Variants in PTPRT observed in about 807,000 individuals in gnomAD.
PTPRT encodes the protein protein tyrosine phosphatase receptor type T.
In PTPRT, 56 loss-of-function variants were observed where a neutral mutation model predicts 176.8. The ratio of observed to expected loss-of-function variants is 0.32; its 90% CI spans 0.26 to 0.40. The LOEUF (loss-of-function observed/expected upper bound fraction) is 0.40. PTPRT is among the 10% of genes least tolerant of loss of function. The pLI is 1.00. For missense variants in PTPRT, 1,540 were observed against 1,908.2 expected (o/e 0.81, Z 3.60); for synonymous variants, 783 against 739.0 (o/e 1.06, Z -0.96).
At chr20:42,190,341 C>CA (rs1345518922) in intron 16 of PTPRT, among the ~76,000 whole-genome samples, 1 of 152,152 alleles carries the variant, frequency 6.6e-6, no homozygotes, top group Non-Finnish European at 1.5e-5. Context: ...CAAAAGGAGA[C>CA]AAAATCAAAG....
At chr20:42,441,173 A>G (rs1367290613) in intron 9 of PTPRT, among the ~76,000 whole-genome samples, 2 of 152,216 alleles carry the variant, frequency 1.3e-5, no homozygotes, top group Non-Finnish European at 2.9e-5. Flanking sequence ...ACAAAAGTAC[A>G]CAAATGAAAC....
intron 20 of PTPRT, among the ~76,000 whole-genome samples, chr20:42,119,085 C>T (rs1987451122): frequency 6.8e-6 from 1 of 147,020 alleles, no homozygotes; most frequent in African/African-American, 2.5e-5. Context: ...AAGCAATTTC[C>T]TTGGAAATTA....
At chr20:43,041,266 T>G (rs1035748492) in intron 1 of PTPRT, among the ~76,000 whole-genome samples, 2 of 152,256 alleles carry the variant, frequency 1.3e-5, no homozygotes, top group Non-Finnish European at 1.5e-5. Context: ...CACTGTGCTA[T>G]AGTACTTTTT....
chr20:42,118,900 G>C (rs1441464376), intron 20 of PTPRT, among the ~76,000 whole-genome samples: 1 of 151,712 alleles, frequency 6.6e-6, no homozygotes, highest in Non-Finnish European at 1.5e-5. Context: ...AACTGGGGTG[G>C]GGGGTGGAGA....
chr20:42,463,261 T>G (rs1261309011), intron 8 of PTPRT, among the ~76,000 whole-genome samples: 3 of 152,216 alleles, frequency 2.0e-5, no homozygotes, highest in Non-Finnish European at 4.4e-5. Flanking sequence ...GTATCCCTTT[T>G]CCATTCCTTT....
At chr20:42,800,346 C>T (rs1294558519) in intron 2 of PTPRT, among the ~76,000 whole-genome samples, 5 of 152,242 alleles carry the variant, frequency 3.3e-5, no homozygotes, top group East Asian at 1.9e-4. Flanking sequence ...GCTGGCCTTG[C>T]GCTGGGGAGC....
intron 13 of PTPRT, among the ~76,000 whole-genome samples, chr20:42,252,389 T>C (rs1203809533): frequency 6.6e-6 from 1 of 152,054 alleles, no homozygotes; most frequent in African/African-American, 2.4e-5. Context: ...GGCCTGTTGG[T>C]GAAATCACCC....
intron 7 of PTPRT, among the ~76,000 whole-genome samples, chr20:42,581,540 A>G (rs1233720299): frequency 1.3e-5 from 2 of 152,172 alleles, no homozygotes; most frequent in Admixed American, 6.5e-5. Context: ...TAAAAAAAAA[A>G]AAAAAAGGCT....
At chr20:42,323,789 A>T (rs1031072275) in intron 11 of PTPRT, among the ~76,000 whole-genome samples, 8 of 152,206 alleles carry the variant, frequency 5.3e-5, no homozygotes, top group Admixed American at 3.9e-4. Context: ...AAAATAAAAA[A>T]AAGAAAATAT....
chr20:42,094,317 G>A (rs886127120), intron 27 of PTPRT, among the ~76,000 whole-genome samples: 5 of 151,596 alleles, frequency 3.3e-5, no homozygotes, highest in Non-Finnish European at 1.5e-5. Flanking sequence ...AAACTCTGCA[G>A]GGAATGTTCC....
At chr20:42,107,315 CGA>C (rs1568936987) in intron 23 of PTPRT, among the ~76,000 whole-genome samples, 1 of 152,058 alleles carries the variant, frequency 6.6e-6, no homozygotes, top group African/African-American at 2.4e-5. Context: ...AGGACAGAAA[CGA>C]GAGTCCTCTG....
At chr20:42,674,904 G>C (rs947300296) in intron 7 of PTPRT, among the ~76,000 whole-genome samples, 45 of 146,582 alleles carry the variant, frequency 3.1e-4, no homozygotes, top group Non-Finnish European at 1.9e-4. Context: ...ACGCAAATTT[G>C]TTCCAACCCA....
intron 2 of PTPRT, among the ~76,000 whole-genome samples, chr20:42,810,059 G>A (rs1253012474): frequency 6.6e-6 from 1 of 152,278 alleles, no homozygotes; most frequent in East Asian, 1.9e-4. Flanking sequence ...TTGGGAGGCC[G>A]AAGTGGGTGG....
intron 7 of PTPRT, among the ~76,000 whole-genome samples, chr20:42,674,168 C>T (rs191134701): frequency 1.0e-3 from 154 of 152,186 alleles, no homozygotes; most frequent in African/African-American, 3.5e-3. Context: ...AAATTAATTA[C>T]GAGGCAAAAA....
intron 9 of PTPRT, among the ~76,000 whole-genome samples, chr20:42,403,874 G>A (rs527485513): frequency 6.6e-6 from 1 of 152,206 alleles, no homozygotes; most frequent in Non-Finnish European, 1.5e-5. Context: ...GCTGCCTTTT[G>A]TACTTAGAAA....
At chr20:42,270,933 T>C (rs1422294915) in intron 13 of PTPRT, among the ~76,000 whole-genome samples, 2 of 152,200 alleles carry the variant, frequency 1.3e-5, no homozygotes, top group Non-Finnish European at 2.9e-5. Flanking sequence ...GAAAAGCTCT[T>C]GAAGCTGCTT....
chr20:42,808,774 C>A (rs2077651503), intron 2 of PTPRT, among the ~76,000 whole-genome samples: 1 of 152,172 alleles, frequency 6.6e-6, no homozygotes, highest in Non-Finnish European at 1.5e-5. Flanking sequence ...AGGTAGTCCT[C>A]AGGAAATCCC....
intron 1 of PTPRT, among the ~76,000 whole-genome samples, chr20:43,187,959 A>G (rs1455648763): frequency 1.3e-5 from 2 of 152,236 alleles, no homozygotes; most frequent in South Asian, 4.1e-4. Flanking sequence ...GGCGGCGTTC[A>G]GCACTGGACA....
intron 1 of PTPRT, among the ~76,000 whole-genome samples, chr20:43,065,040 A>G (rs939455247): frequency 6.6e-6 from 1 of 151,974 alleles, no homozygotes; most frequent in African/African-American, 2.4e-5. Flanking sequence ...CTCTCTTCCA[A>G]CCCACACTCT....
Sources: gnomAD v4.1 joint callset for allele counts (sites outside exome capture counted in the v4.1 genomes callset) on GRCh38, gnomAD v4.1.1 for gene constraint, MANE v1.5 for transcripts, NCBI Gene and HGNC (gene_info 2026-07-23, HGNC 2026-07-21) for gene names.